Variants in BPNT1 observed in about 807,000 individuals in gnomAD.
BPNT1 encodes the protein 3'(2'),5'-bisphosphate nucleotidase 1.
In BPNT1, 28 loss-of-function variants were observed where a neutral mutation model predicts 36.9. That is an observed-to-expected ratio of 0.76 (90% CI 0.56 to 1.04). The LOEUF is 1.04. BPNT1 is among the 50% of genes least tolerant of loss of function. The pLI is 0.00. For synonymous variants in BPNT1, 119 were observed against 130.9 expected (o/e 0.91, Z 0.62); for missense variants, 313 against 372.9 (o/e 0.84, Z 1.32).
chr1:220,078,465 AAAT>A (rs1657593220), intron 2 of BPNT1, among the ~76,000 whole-genome samples: 1 of 111,688 alleles, frequency 9.0e-6, no homozygotes, highest in African/African-American at 3.8e-5. Context: ...TATAAATAAT[AAAT>A]AATTTATAAT....
intron 6 of BPNT1, among the ~76,000 whole-genome samples, chr1:220,066,793 C>T (rs1270224455): frequency 3.9e-5 from 6 of 152,094 alleles, no homozygotes; most frequent in Non-Finnish European, 8.8e-5. Context: ...GTAACTTAGG[C>T]GCTACACAGC....
intron 1 of BPNT1, among the ~76,000 whole-genome samples, chr1:220,088,655 T>C (rs994494482): frequency 6.6e-6 from 1 of 151,498 alleles, no homozygotes; most frequent in African/African-American, 2.4e-5. Flanking sequence ...GATGGTGTGG[T>C]GGCACATGCC....
At chr1:220,061,762 G>A (rs564782793) in intron 7 of BPNT1, among the ~76,000 whole-genome samples, 1 of 152,144 alleles carries the variant, frequency 6.6e-6, no homozygotes, top group Non-Finnish European at 1.5e-5. Context: ...GATACCTGAG[G>A]GATGTCATCA....
rs762592157 is a variant in BPNT1 at position 220,059,766 on chromosome 1, G to C, written c.698C>G (p.Ala233Gly). The C allele has an allele frequency of 3.1e-6, 5 of 1,607,502 alleles. No homozygotes were observed. In the South Asian group the frequency reaches 4.5e-5, roughly 14 times the overall value. ...AGGACTTGCAAATACATAAGCAGAG[G>C]CTTTGCCTTCAATCAGCTGAATAAT... ...NKIIQLIEGKASAYVFASPGC... is the reference protein window; with the variant it reads ...NKIIQLIEGKGSAYVFASPGC... The change falls in exon 8 of 9, where the codon GCC (alanine) becomes GGC (glycine). Residue 233 changes from alanine to glycine, a missense_variant. Physicochemically the swap from Ala to Gly is moderately conservative, Grantham distance 60 (BLOSUM62 0). Coordinates refer to ENST00000322067, the MANE Select transcript of BPNT1 (RefSeq NM_006085.6).
At chr1:220,061,912 C>T (rs529633749) in intron 7 of BPNT1, among the ~76,000 whole-genome samples, 6 of 152,004 alleles carry the variant, frequency 3.9e-5, no homozygotes, top group Admixed American at 6.6e-5. Context: ...AGTGGGCAGG[C>T]AGGCCAGATC....
In BPNT1 at chr1:220,059,807, T is replaced by G; in HGVS notation, c.673-16A>C. On this transcript the variant is annotated splice_polypyrimidine_tract_variant and intron_variant, in intron 7 of 8. Coordinates refer to ENST00000322067, the MANE Select transcript of BPNT1 (RefSeq NM_006085.6). ...GCTGAATAATCTGTAAGGGTAAAAA[T>G]AAGAATTATCCTTTGATAATAGAAA... The G allele has an allele frequency of 6.5e-7, 1 of 1,538,728 alleles. No individual in the cohort carries two copies. The highest frequency in any genetic ancestry group is 1.2e-5 in the South Asian group (1 of 83,082).
chr1:220,073,468 T>A (rs1309354114), intron 3 of BPNT1, among the ~76,000 whole-genome samples: 1 of 152,074 alleles, frequency 6.6e-6, no homozygotes, highest in African/African-American at 2.4e-5. Context: ...TTTGTATTTT[T>A]AGTAGAGACA....
chr1:220,069,365 A>T lies in BPNT1; in HGVS notation c.382+19T>A. On this transcript the variant is annotated intron_variant, in intron 5 of 8. Coordinates refer to ENST00000322067, the MANE Select transcript of BPNT1 (RefSeq NM_006085.6). ...CTTGTCCCACTACTGTCAAATATGA[A>T]TACAAAAGAGATATCAACCTTCGGT... The T allele has an allele frequency of 6.3e-7, 1 of 1,576,962 alleles. No individual in the cohort carries two copies. Among genetic ancestry groups the T allele is most frequent in the Non-Finnish European group, 8.6e-7 (1 of 1,156,338 alleles).
Position 220,058,728 on chromosome 1 carries a change from G to A in BPNT1, c.*116C>T, listed in dbSNP as rs1041602535. On this transcript the variant is annotated 3_prime_UTR_variant, in exon 9 of 9. Coordinates refer to ENST00000322067, the MANE Select transcript of BPNT1 (RefSeq NM_006085.6). Reference sequence around the variant, plus strand: ...TATTTTTGTAGAGATGGGGTCTCACGATATTGCCCAGGCTGGTCTCAAACT... The same window carrying A: ...TATTTTTGTAGAGATGGGGTCTCACAATATTGCCCAGGCTGGTCTCAAACT... The A allele has an allele frequency of 1.4e-5, 15 of 1,047,594 alleles. No individual in the cohort carries two copies. Among genetic ancestry groups the A allele is most frequent in the Middle Eastern group, 3.0e-4 (1 of 3,302 alleles). 64.9% of individuals were successfully genotyped at this position (1,047,594 alleles called of 1,614,324 possible).
chr1:220,080,947 C>A (rs1193681588), intron 1 of BPNT1, among the ~76,000 whole-genome samples: 2 of 152,184 alleles, frequency 1.3e-5, no homozygotes, highest in Admixed American at 1.3e-4. Context: ...GAAAAAACAG[C>A]CTTTAGAATC....
chr1:220,088,779 G>T, intron 1 of BPNT1, among the ~76,000 whole-genome samples: 1 of 143,868 alleles, frequency 7.0e-6, no homozygotes, highest in Non-Finnish European at 1.5e-5. Context: ...GACAGAGCTA[G>T]AACCTGTCTT....
At position 220,072,838 on chromosome 1, in the gene BPNT1, T is replaced by C. The variant is rs374634264; in HGVS notation, c.333+12A>G. 3 of 1,600,368 alleles carry C rather than the reference T, an allele frequency of 1.9e-6. No individual in the cohort carries two copies. The African/African-American group carries it at 4.0e-5, about 21-fold the overall frequency. The stretch of plus-strand genomic sequence containing the variant: ...AGGTTAATAGAGAGTTGAGTATAAA[T>C]ATGGGTCATACATCTTCTTCTTTAA... On this transcript the variant is annotated intron_variant, in intron 4 of 8. Coordinates refer to ENST00000322067, the MANE Select transcript of BPNT1 (RefSeq NM_006085.6).
At chr1:220,074,179 A>G in intron 2 of BPNT1, 108 bp from the exon 3 acceptor site, 2 of 993,784 alleles carry the variant, frequency 2.0e-6, no homozygotes, top group South Asian at 3.1e-5. Flanking sequence ...CAGTTTTTAG[A>G]GTCATAGAAC....
At chr1:220,063,728 C>A (rs1345613644) in intron 6 of BPNT1, among the ~76,000 whole-genome samples, 1 of 152,130 alleles carries the variant, frequency 6.6e-6, no homozygotes, top group Non-Finnish European at 1.5e-5. Flanking sequence ...GATAGGGCAA[C>A]TGAATAGGCC....
chr1:220,087,426 G>C (rs1370749621), intron 1 of BPNT1, among the ~76,000 whole-genome samples: 1 of 151,928 alleles, frequency 6.6e-6, no homozygotes, highest in Non-Finnish European at 1.5e-5. Context: ...TTGGTGGCAC[G>C]CGCCTGTAAT....
intron 7 of BPNT1, among the ~76,000 whole-genome samples, chr1:220,061,547 A>C (rs1200725664): frequency 6.6e-6 from 1 of 151,806 alleles, no homozygotes; most frequent in Non-Finnish European, 1.5e-5. Flanking sequence ...AAAAAAAAAA[A>C]AACAAAAAAC....
At chr1:220,075,023 A>G (rs1457830381) in intron 2 of BPNT1, among the ~76,000 whole-genome samples, 1 of 152,132 alleles carries the variant, frequency 6.6e-6, no homozygotes, top group Non-Finnish European at 1.5e-5. Context: ...TACAGATTAT[A>G]TCATCTTAGT....
rs1349249853 is a variant in BPNT1 at position 220,057,805 on chromosome 1, T to G, written c.*1039A>C. ...AGCATATATAATAACATCATATATATTCTTAATTGGAGTAGAAACGTTTTT... is the reference window on the plus strand; with the variant it reads ...AGCATATATAATAACATCATATATAGTCTTAATTGGAGTAGAAACGTTTTT... On this transcript the variant is annotated 3_prime_UTR_variant, in exon 9 of 9. Transcript: ENST00000322067. The G allele has an allele frequency of 3.3e-6, 4 of 1,220,244 alleles. No individual in the cohort carries two copies. Among genetic ancestry groups the G allele is most frequent in the Non-Finnish European group, 4.4e-6 (4 of 914,038 alleles). The allele number at this position is 1,220,244 out of a possible 1,614,324, so 75.6% of individuals were successfully genotyped here.
At chr1:220,061,162 T>A (rs535884806) in intron 7 of BPNT1, among the ~76,000 whole-genome samples, 3 of 152,120 alleles carry the variant, frequency 2.0e-5, no homozygotes, top group African/African-American at 7.2e-5. Context: ...GATGCAGATT[T>A]TTCCCCACAA....
Sources: allele counts gnomAD v4.1 joint callset (sites outside exome capture counted in the v4.1 genomes callset), GRCh38; gene constraint gnomAD v4.1.1; transcripts MANE v1.5; gene names NCBI Gene and HGNC (gene_info 2026-07-23, HGNC 2026-07-21).